Variants in DAB1 observed in about 807,000 individuals in gnomAD.
DAB1 encodes DAB adaptor protein 1.
DAB1 carries 15 observed loss-of-function variants against 64.6 expected under a neutral mutation model. The ratio of observed to expected loss-of-function variants is 0.23; its 90% CI spans 0.16 to 0.36. The LOEUF (loss-of-function observed/expected upper bound fraction) is 0.36, where lower values mean the gene tolerates loss of function less well. Ranked by LOEUF, DAB1 falls within the 10% of genes least tolerant of loss-of-function variation. The pLI is 1.00. For missense variants in DAB1, 596 were observed against 706.7 expected (o/e 0.84, Z 1.78); for synonymous variants, 235 against 251.9 (o/e 0.93, Z 0.64).
intron 5 of DAB1, chr1:58,074,547 C>CATATATATATATAT (rs1255233127): frequency 4.1e-5 from 3 of 72,790 alleles, no homozygotes; most frequent in African/African-American, 1.9e-4. Context: ...TATATATACA[C>CATATATATATATAT]ACATATATAT....
chr1:57,431,448 G>A (rs1685513628), intron 7 of DAB1, among the ~76,000 whole-genome samples: 1 of 152,128 alleles, frequency 6.6e-6, no homozygotes, highest in Non-Finnish European at 1.5e-5. Context: ...CTCTTCTGAG[G>A]TCAAAAAAAG....
At chr1:57,537,119 T>C (rs919727661) in intron 7 of DAB1, among the ~76,000 whole-genome samples, 1 of 152,372 alleles carries the variant, frequency 6.6e-6, no homozygotes, top group African/African-American at 2.4e-5. Flanking sequence ...ATAAAATACG[T>C]CATTCAAATT....
intron 7 of DAB1, among the ~76,000 whole-genome samples, chr1:57,614,468 C>G (rs1399012431): frequency 6.6e-6 from 1 of 152,148 alleles, no homozygotes; most frequent in Non-Finnish European, 1.5e-5. Flanking sequence ...TAATACTGGT[C>G]CATGATGAAG....
At chr1:57,155,667 C>T (rs1384092057) in intron 2 of DAB1, among the ~76,000 whole-genome samples, 1 of 151,068 alleles carries the variant, frequency 6.6e-6, no homozygotes, top group Non-Finnish European at 1.5e-5. Flanking sequence ...TTCTTCCACC[C>T]TATGAACATG....
rs1557454069 is a variant in DAB1, at chr1:58,527,148, CTAA to C, written n.107+110_107+112del. ...AGATTAACAGAAATTACATAAAGGG[CTAA>C]TACAGTCCAACTCTCATTCTCTGCT... On this transcript the variant is annotated intron_variant and non_coding_transcript_variant, in intron 2 of 20. Transcript: ENST00000485760. 3 of 705,692 alleles carry C rather than the reference CTAA, an allele frequency of 4.3e-6. No individual in the cohort carries two copies. In the African/African-American group the frequency reaches 5.3e-5, roughly 12 times the overall value. The allele number at this position is 705,692 out of a possible 1,614,324, so 43.7% of individuals were successfully genotyped here. A position where few individuals can be genotyped will look rare whatever the true frequency, so the allele number is the denominator to read the frequency against.
At chr1:58,093,654 TGG>T (rs1384510184) in intron 5 of DAB1, among the ~76,000 whole-genome samples, 4 of 149,602 alleles carry the variant, frequency 2.7e-5, no homozygotes, top group Non-Finnish European at 5.9e-5. Flanking sequence ...CCAAAAAGGT[TGG>T]GGACCACCAG....
chr1:57,812,488 C>T (rs1322198520), intron 6 of DAB1, among the ~76,000 whole-genome samples: 3 of 151,946 alleles, frequency 2.0e-5, no homozygotes, highest in African/African-American at 2.4e-5. Flanking sequence ...ACAGTGGAGG[C>T]GAAGGAAGGG....
At chr1:57,138,495 A>T (rs530315015) in intron 3 of DAB1, among the ~76,000 whole-genome samples, 2 of 152,164 alleles carry the variant, frequency 1.3e-5, no homozygotes, top group East Asian at 3.9e-4. Flanking sequence ...GCTGCTCCAT[A>T]TTGATATAAG....
At chr1:57,077,350 C>T (rs1384021749) in intron 4 of DAB1, among the ~76,000 whole-genome samples, 2 of 152,032 alleles carry the variant, frequency 1.3e-5, no homozygotes, top group Non-Finnish European at 1.5e-5. Flanking sequence ...TAATACTGCA[C>T]CTTCTGAACA....
intron 7 of DAB1, among the ~76,000 whole-genome samples, chr1:57,576,636 G>A (rs531529098): frequency 7.2e-5 from 11 of 152,240 alleles, no homozygotes; most frequent in East Asian, 3.9e-4. Context: ...TTTGGCCTCC[G>A]GAACTGTGAG....
At chr1:57,658,514 A>G (rs1269019027) in intron 6 of DAB1, among the ~76,000 whole-genome samples, 2 of 151,816 alleles carry the variant, frequency 1.3e-5, no homozygotes, top group East Asian at 3.9e-4. Flanking sequence ...CATGTTAGCC[A>G]GGATGGTCTC....
intron 6 of DAB1, among the ~76,000 whole-genome samples, chr1:57,786,304 C>T (rs1438488778): frequency 6.6e-6 from 1 of 152,088 alleles, no homozygotes; most frequent in Non-Finnish European, 1.5e-5. Context: ...ACCCACAATA[C>T]CTCTAAGGTA....
intron 3 of DAB1, among the ~76,000 whole-genome samples, chr1:58,411,884 G>A (rs1028521122): frequency 2.0e-5 from 3 of 152,154 alleles, no homozygotes; most frequent in African/African-American, 4.8e-5. Context: ...ACCAAGGAAC[G>A]TTTCCTACAG....
intron 9 of DAB1, among the ~76,000 whole-genome samples, chr1:57,054,470 C>CTTTTTTTT (rs58175883): frequency 1.7e-4 from 12 of 69,472 alleles, no homozygotes; most frequent in African/African-American, 2.8e-4. Flanking sequence ...CAGGAATGTG[C>CTTTTTTTT]TTTTTTTTTT....
At chr1:57,382,859 A>C (rs545631088) in intron 1 of DAB1, among the ~76,000 whole-genome samples, 68 of 152,280 alleles carry the variant, frequency 4.5e-4, no homozygotes, top group African/African-American at 1.6e-3. Context: ...TCCGAGGATT[A>C]GGGCATGACA....
intron 3 of DAB1, among the ~76,000 whole-genome samples, chr1:58,408,710 G>A (rs1364522697): frequency 2.0e-5 from 3 of 152,224 alleles, no homozygotes; most frequent in African/African-American, 2.4e-5. Context: ...GAGATGGAAG[G>A]AGTGGATGCT....
chr1:58,445,687 C>T (rs367825823), intron 3 of DAB1, among the ~76,000 whole-genome samples: 37 of 152,290 alleles, frequency 2.4e-4, no homozygotes, highest in Admixed American at 1.3e-3. Flanking sequence ...GAAATAGGGG[C>T]TTTCCTTCAA....
chr1:58,335,361 A>G (rs1385161882), intron 4 of DAB1, among the ~76,000 whole-genome samples: 1 of 152,204 alleles, frequency 6.6e-6, no homozygotes, highest in Non-Finnish European at 1.5e-5. Flanking sequence ...AACTTACAGG[A>G]CTTCAGGTTT....
intron 3 of DAB1, among the ~76,000 whole-genome samples, chr1:58,466,801 T>G (rs1557428656): frequency 6.6e-6 from 1 of 152,190 alleles, no homozygotes; most frequent in Non-Finnish European, 1.5e-5. Flanking sequence ...GCCTGTCCCA[T>G]AACTGGTCTG....
Sources: gnomAD v4.1 joint callset for allele counts (sites outside exome capture counted in the v4.1 genomes callset) on GRCh38, gnomAD v4.1.1 for gene constraint, MANE v1.5 for transcripts, NCBI Gene and HGNC (gene_info 2026-07-23, HGNC 2026-07-21) for gene names.